Variants in MEF2C observed in about 807,000 individuals in gnomAD.
The protein encoded by MEF2C is myocyte-specific enhancer factor 2C.
A neutral mutation model predicts 50.5 loss-of-function variants in MEF2C; 6 were observed. That is an observed-to-expected ratio of 0.12 (90% CI 0.07 to 0.23). The LOEUF is 0.23. Among genes scored for constraint, MEF2C ranks in the 10% least tolerant of loss-of-function variants. MEF2C has a pLI of 1.00. For missense variants in MEF2C, 276 were observed against 605.0 expected (o/e 0.46, Z 5.70); for synonymous variants, 183 against 228.0 (o/e 0.80, Z 1.78).
chr5:88,879,685 G>A (rs1348609517), intron 1 of MEF2C, among the ~76,000 whole-genome samples: 1 of 151,918 alleles, frequency 6.6e-6, no homozygotes, highest in Non-Finnish European at 1.5e-5. Context: ...AAGAAATGAT[G>A]GAACTTAAAA....
At position 88,722,890 on chromosome 5, in the gene MEF2C, T is replaced by C; in HGVS notation, c.1136A>G (p.Asn379Ser). The stretch of plus-strand genomic sequence containing the variant: ...GCTTTGAGTAGAAGGCAGGGAGAGA[T>C]TTGAACTCTGAGATAAATGAGTGCT... ...CTSTHLSQSS[N>S]LSLPSTQSLN... The change falls in exon 11 of 11, where the codon AAT becomes AGT. Residue 379 changes from asparagine to serine, a missense_variant. Physicochemically the swap from Asn to Ser is conservative, Grantham distance 46. This residue lies in a region of MEF2C where 256 missense variants were observed against 468.1 expected (regional missense o/e 0.55). Transcript: ENST00000504921. 6.2e-7 allele frequency: 1 copy of C among 1,612,006 alleles called. No individual in the cohort carries two copies. Among genetic ancestry groups the C allele is most frequent in the Non-Finnish European group, 8.5e-7 (1 of 1,178,538 alleles).
intron 1 of MEF2C, among the ~76,000 whole-genome samples, chr5:88,869,167 G>A (rs1222868051): frequency 6.7e-6 from 1 of 150,004 alleles, no homozygotes; most frequent in Non-Finnish European, 1.5e-5. Context: ...ATTTGTCTAT[G>A]TGACAATATA....
At chr5:88,882,798 T>C (rs1455235756) in intron 1 of MEF2C, among the ~76,000 whole-genome samples, 157 bp downstream of exon 1, 1 of 152,040 alleles carries the variant, frequency 6.6e-6, no homozygotes, top group Non-Finnish European at 1.5e-5. Context: ...AAGGAAATCA[T>C]GGAATCTAAC....
chr5:88,847,532 A>G (rs1819758193), intron 1 of MEF2C, among the ~76,000 whole-genome samples: 1 of 152,204 alleles, frequency 6.6e-6, no homozygotes, highest in African/African-American at 2.4e-5. Context: ...TGACTGGGAA[A>G]GAAAGAAGAC....
At chr5:88,722,952 C>G in intron 10 of MEF2C, 27 bp from the exon 11 acceptor site, 1 of 1,543,342 alleles carries the variant, frequency 6.5e-7, no homozygotes, top group Non-Finnish European at 8.8e-7. Context: ...AACCCAGTTA[C>G]AGATGAAGGA....
chr5:88,739,309 T>C (rs1765445784), intron 6 of MEF2C: 2 of 984,398 alleles, frequency 2.0e-6, no homozygotes, highest in African/African-American at 3.5e-5. Context: ...AATTTGCTGC[T>C]TTTACTTCAA....
chr5:88,893,985 T>C (rs1395857470), intron 1 of MEF2C, among the ~76,000 whole-genome samples: 1 of 152,224 alleles, frequency 6.6e-6, no homozygotes, highest in Non-Finnish European at 1.5e-5. Context: ...ATCAGTAATG[T>C]TCTTAGTCAT....
chr5:88,893,830 A>G (rs1395715292), intron 1 of MEF2C, among the ~76,000 whole-genome samples: 1 of 152,154 alleles, frequency 6.6e-6, no homozygotes, highest in African/African-American at 2.4e-5. Context: ...AAACTCAATA[A>G]AACTTTTAAA....
At chr5:88,836,512 G>A (rs926065779) in intron 1 of MEF2C, among the ~76,000 whole-genome samples, 2 of 152,102 alleles carry the variant, frequency 1.3e-5, no homozygotes, top group Admixed American at 1.3e-4. Flanking sequence ...GAACTGAGGG[G>A]ATATGGAAAG....
intron 3 of MEF2C, 189 bp downstream of exon 3, chr5:88,804,409 T>C (rs1799526722): frequency 1.7e-6 from 1 of 573,342 alleles, no homozygotes; most frequent in African/African-American, 1.9e-5. Flanking sequence ...TATCATCACA[T>C]CACTCTAACT....
chr5:88,746,059 G>A (rs1374052635), intron 6 of MEF2C, among the ~76,000 whole-genome samples: 1 of 152,198 alleles, frequency 6.6e-6, no homozygotes. Flanking sequence ...AAGGGAAGAA[G>A]GTTAAGGCTG....
chr5:88,825,500 A>G (rs1004364443), intron 1 of MEF2C: 6 of 984,028 alleles, frequency 6.1e-6, no homozygotes, highest in Non-Finnish European at 7.2e-6. Flanking sequence ...TAAATGTTGG[A>G]GGTGGTTCAA....
intron 10 of MEF2C, 31 bp from the exon 11 acceptor site, chr5:88,722,956 T>G: frequency 6.5e-7 from 1 of 1,533,118 alleles, no homozygotes; most frequent in Non-Finnish European, 8.8e-7. Flanking sequence ...CAGTTACAGA[T>G]GAAGGAGGCC....
chr5:88,899,592 C>T (rs950193714), intron 1 of MEF2C, among the ~76,000 whole-genome samples: 1 of 152,098 alleles, frequency 6.6e-6, no homozygotes, highest in Admixed American at 6.6e-5. Context: ...TTGAAGAACA[C>T]TCTTTAACTC....
intron 6 of MEF2C, chr5:88,740,710 T>C (rs1274280340): frequency 1.0e-6 from 1 of 985,162 alleles, no homozygotes; most frequent in African/African-American, 1.7e-5. Context: ...TCATTCTCCT[T>C]TGGGTACTGA....
At chr5:88,792,938 C>T (rs1794444088) in intron 3 of MEF2C, among the ~76,000 whole-genome samples, 1 of 152,148 alleles carries the variant, frequency 6.6e-6, no homozygotes, top group Non-Finnish European at 1.5e-5. Flanking sequence ...ATATGTCTGT[C>T]TTTCCTGTTT....
At chr5:88,877,185 T>G (rs1831331061) in intron 1 of MEF2C, among the ~76,000 whole-genome samples, 1 of 152,066 alleles carries the variant, frequency 6.6e-6, no homozygotes, top group African/African-American at 2.4e-5. Context: ...TGTAATATGT[T>G]TACTGTTTTT....
At chr5:88,863,770 TTAACG>T (rs1826294194) in intron 1 of MEF2C, among the ~76,000 whole-genome samples, 2 of 152,220 alleles carry the variant, frequency 1.3e-5, no homozygotes, top group African/African-American at 4.8e-5. Flanking sequence ...CTTATTTCAC[TTAACG>T]TAATGTCTTT....
chr5:88,730,293 A>G, intron 7 of MEF2C, 59 bp from the exon 8 acceptor site: 1 of 1,536,280 alleles, frequency 6.5e-7, no homozygotes, highest in African/African-American at 1.4e-5. Context: ...ATAATTGGGC[A>G]AAATCTTTTC....
Sources: allele counts gnomAD v4.1 joint callset (sites outside exome capture counted in the v4.1 genomes callset), GRCh38; gene constraint gnomAD v4.1.1; regional missense constraint gnomAD v4.1.1; transcripts MANE v1.5; gene names NCBI Gene and HGNC (gene_info 2026-07-23, HGNC 2026-07-21).